The following SHC2 variants were observed in gnomAD, a reference collection of about 807,000 sequenced individuals.
The protein encoded by SHC2 is SHC adaptor protein 2.
A neutral mutation model predicts 60.6 loss-of-function variants in SHC2; 62 were observed. The ratio of observed to expected loss-of-function variants is 1.02; its 90% CI spans 0.83 to 1.26. SHC2 has a LOEUF of 1.26. SHC2 is among the 50% of genes most tolerant of loss of function. SHC2 has a pLI of 0.00. For missense variants in SHC2, 873 were observed against 822.2 expected (o/e 1.06, Z -0.76); for synonymous variants, 375 against 372.4 (o/e 1.01, Z -0.08).
At chr19:451,442 C>T (rs1975194257) in intron 1 of SHC2, among the ~76,000 whole-genome samples, 1 of 152,242 alleles carries the variant, frequency 6.6e-6, no homozygotes, top group Non-Finnish European at 1.5e-5. Context: ...CATCAACAGA[C>T]ACCTGGACTG....
rs139274011 is a variant in SHC2 at position 446,766 on chromosome 19, C to G, written c.469-5834G>C. Among the ~76,000 whole-genome samples the G allele has an allele frequency of 5.8e-4, 89 of 152,270 alleles. No homozygotes were observed. Among genetic ancestry groups the G allele is most frequent in the African/African-American group, 2.1e-3 (86 of 41,558 alleles). On this transcript the variant is annotated intron_variant, in intron 1 of 12. Coordinates refer to ENST00000264554, the MANE Select transcript of SHC2 (RefSeq NM_012435.3). This position sits in a 1 kb window ranked among gnomAD's most constrained non-coding sequence, Gnocchi z 5.4. ...GAGAGAAGGCATGACCCAGAACCCA[C>G]CCCAGGACGTTAAGGGAAGGAGCCA...
chr19:456,485 A>G (rs1473502672), intron 1 of SHC2, among the ~76,000 whole-genome samples: 3 of 150,988 alleles, frequency 2.0e-5, no homozygotes, highest in Non-Finnish European at 4.4e-5. Flanking sequence ...GCCCTTCCAG[A>G]CCCTCCTCCT....
chr19:454,482 C>T (rs996162007), intron 1 of SHC2, among the ~76,000 whole-genome samples: 12 of 152,138 alleles, frequency 7.9e-5, no homozygotes, highest in Admixed American at 3.9e-4. Flanking sequence ...TCCCCACAAA[C>T]GGGGCTTAAG....
In SHC2 at chr19:441,272, T is replaced by A. The variant is rs974912133; in HGVS notation, c.469-340A>T. On this transcript the variant is annotated intron_variant, in intron 1 of 12. Transcript: ENST00000264554. This position sits in a 1 kb window ranked among gnomAD's most constrained non-coding sequence, Gnocchi z 4.9. Reference sequence around the variant, plus strand: ...GCACCGAAGCCGAGGAGCGTGGGGATGGTGCGATCCTGAGCACTTCCCTAT... The same window carrying A: ...GCACCGAAGCCGAGGAGCGTGGGGAAGGTGCGATCCTGAGCACTTCCCTAT... 4.9e-6 allele frequency: 3 copies of A among 606,212 alleles called. No homozygotes were observed. In the African/African-American group the frequency reaches 6.2e-5, roughly 13 times the overall value. The allele number at this position is 606,212 out of a possible 1,614,324, so 37.6% of individuals were successfully genotyped here. A position where few individuals can be genotyped will look rare whatever the true frequency, so the allele number is the denominator to read the frequency against.
intron 9 of SHC2, 137 bp downstream of exon 9, chr19:430,547 T>A: frequency 1.5e-6 from 1 of 661,686 alleles, no homozygotes. Context: ...CTCAGCAGAG[T>A]GTTAGGAGCA....
chr19:460,685 C>T lies in SHC2; in HGVS notation c.312G>A (p.Ser104=), dbSNP rs1975528813. 6.7e-6 allele frequency: 7 copies of T among 1,045,304 alleles called. No homozygotes were observed. The highest frequency in any genetic ancestry group is 8.0e-6 in the Non-Finnish European group (7 of 873,928). The allele number at this position is 1,045,304 out of a possible 1,614,324, so 64.8% of individuals were successfully genotyped here. ...CCCCCCGCCCGCCCCGCGACCCCCG[C>T]GACCCCGCGCCCCGACAGCGGCTGA... The part of the protein sequence containing the change: ...PALSRCRGAG[S]RGSRGGRGAA... Residue 104 remains serine (S), a synonymous_variant, in exon 1 of 13, where the codon TCG becomes TCA. Coordinates refer to ENST00000264554, the MANE Select transcript of SHC2 (RefSeq NM_012435.3).
Position 441,285 on chromosome 19 carries a change from A to G in SHC2, c.469-353T>C, listed in dbSNP as rs1974861136. The G allele has an allele frequency of 4.4e-6, 2 of 449,890 alleles. No individual in the cohort carries two copies. The highest frequency in any genetic ancestry group is 2.0e-4 in the South Asian group (2 of 10,204). 27.9% of individuals were successfully genotyped at this position (449,890 alleles called of 1,614,324 possible). A position where few individuals can be genotyped will look rare whatever the true frequency, so the allele number is the denominator to read the frequency against. ...GGAGCGTGGGGATGGTGCGATCCTG[A>G]GCACTTCCCTATCTCCAGCGCCCAG... On this transcript the variant is annotated intron_variant, in intron 1 of 12. Transcript: ENST00000264554. The surrounding 1 kb of genome is among the most constrained non-coding windows in gnomAD (Gnocchi z 4.9).
At chr19:417,911 C>T (rs566114718) in intron 12 of SHC2, among the ~76,000 whole-genome samples, 13 of 152,232 alleles carry the variant, frequency 8.5e-5, no homozygotes, top group African/African-American at 2.6e-4. Flanking sequence ...GACAGGAGAG[C>T]GGCCTGACCT....
At chr19:454,647 G>A (rs1975289345) in intron 1 of SHC2, among the ~76,000 whole-genome samples, 1 of 152,220 alleles carries the variant, frequency 6.6e-6, no homozygotes, top group Admixed American at 6.5e-5. Context: ...AAAATTAGCT[G>A]AGCATGGTGG....
intron 9 of SHC2, among the ~76,000 whole-genome samples, chr19:430,396 G>C (rs1331916761): frequency 1.3e-5 from 2 of 151,552 alleles, no homozygotes; most frequent in Admixed American, 6.6e-5. Context: ...AACATGCATG[G>C]ACACCTAATA....
chr19:427,200 C>T (rs1453220530), intron 9 of SHC2, among the ~76,000 whole-genome samples: 1 of 152,140 alleles, frequency 6.6e-6, no homozygotes, highest in Non-Finnish European at 1.5e-5. Flanking sequence ...AAAAAAAGCT[C>T]AACACAGATG....
intron 1 of SHC2, among the ~76,000 whole-genome samples, chr19:455,456 C>T (rs1203499020): frequency 2.0e-5 from 3 of 152,228 alleles, no homozygotes; most frequent in Non-Finnish European, 2.9e-5. Context: ...GCCTCGGCGC[C>T]GGAGGTACTG....
chr19:419,138 C>G, intron 11 of SHC2, 82 bp from the exon 12 acceptor site: 1 of 1,449,992 alleles, frequency 6.9e-7, no homozygotes, highest in Non-Finnish European at 9.2e-7. Flanking sequence ...TGGGGTCCTG[C>G]CGGGGAGCCC....
Position 425,306 on chromosome 19 carries a change from C to T in SHC2, c.1175-75G>A. 8.3e-7 allele frequency: 1 copy of T among 1,201,126 alleles called. No individual in the cohort carries two copies. The highest frequency in any genetic ancestry group is 1.1e-6 in the Non-Finnish European group (1 of 943,816). The allele number at this position is 1,201,126 out of a possible 1,614,324, so 74.4% of individuals were successfully genotyped here. On this transcript the variant is annotated intron_variant, in intron 9 of 12. Coordinates refer to ENST00000264554, the MANE Select transcript of SHC2 (RefSeq NM_012435.3). This position sits in a 1 kb window ranked among gnomAD's most constrained non-coding sequence, Gnocchi z 4.1. ...GCTCGCAGGGAGCAAGGCGGGGTCCCACGAGGAGCTCCCCCGGCCACCACC... is the reference window on the plus strand; with the variant it reads ...GCTCGCAGGGAGCAAGGCGGGGTCCTACGAGGAGCTCCCCCGGCCACCACC...
chr19:456,909 C>A (rs1975357756), intron 1 of SHC2, among the ~76,000 whole-genome samples: 1 of 146,884 alleles, frequency 6.8e-6, no homozygotes, highest in Non-Finnish European at 1.5e-5. Flanking sequence ...TGTCTGTAAA[C>A]CCACTGCGTG....
At chr19:436,503 A>G in intron 5 of SHC2, 72 bp from the exon 6 acceptor site, 2 of 1,588,434 alleles carry the variant, frequency 1.3e-6, no homozygotes, top group Non-Finnish European at 1.7e-6. Flanking sequence ...CACCCCAGCA[A>G]TGCAGAGAGA....
chr19:458,905 T>TG (rs1461792271), intron 1 of SHC2, among the ~76,000 whole-genome samples: 1 of 151,978 alleles, frequency 6.6e-6, no homozygotes, highest in Non-Finnish European at 1.5e-5. Flanking sequence ...CGAGCGCGCC[T>TG]GGGGACCACA....
intron 9 of SHC2, among the ~76,000 whole-genome samples, chr19:429,458 A>G (rs1006957269): frequency 1.7e-4 from 24 of 141,440 alleles, no homozygotes; most frequent in Non-Finnish European, 1.1e-4. Context: ...CAACGTGCAC[A>G]GAAACCTAAT....
At position 445,313 on chromosome 19, in the gene SHC2, A is replaced by G. The variant is rs1975026399; in HGVS notation, c.469-4381T>C. ...TCAGTGCCCTTATAAAAGAGACCCC[A>G]GACAGAGCCCAGCCCTCCACCACGT... On this transcript the variant is annotated intron_variant, in intron 1 of 12. Transcript: ENST00000264554. This position sits in a 1 kb window ranked among gnomAD's most constrained non-coding sequence, Gnocchi z 4.4. Among the ~76,000 whole-genome samples, 3 of 152,198 alleles carry G rather than the reference A, an allele frequency of 2.0e-5. No individual in the cohort carries two copies. The South Asian group carries it at 6.2e-4, about 31-fold the overall frequency.
Sources: gnomAD v4.1 joint callset for allele counts (sites outside exome capture counted in the v4.1 genomes callset) on GRCh38, gnomAD v4.1.1 for gene constraint, Gnocchi (gnomAD v3.1) non-coding constraint, MANE v1.5 for transcripts, NCBI Gene and HGNC (gene_info 2026-07-23, HGNC 2026-07-21) for gene names.